The following HPSE2 variants were observed in gnomAD, a reference collection of about 807,000 sequenced individuals.
The protein encoded by HPSE2 is inactive heparanase-2.
Under a neutral mutation model 60.5 loss-of-function variants are expected in HPSE2, and 38 were observed. The observed-to-expected ratio is 0.63, with a 90% CI of 0.48 to 0.82. HPSE2 has a LOEUF of 0.82. HPSE2 is among the 40% of genes least tolerant of loss of function. The pLI is 0.00. For missense variants in HPSE2, 713 were observed against 740.4 expected (o/e 0.96, Z 0.43); for synonymous variants, 295 against 293.2 (o/e 1.01, Z -0.06).
At chr10:99,213,993 T>C (rs1295924232) in intron 2 of HPSE2, among the ~76,000 whole-genome samples, 1 of 152,144 alleles carries the variant, frequency 6.6e-6, no homozygotes, top group Non-Finnish European at 1.5e-5. Flanking sequence ...TATGAAAAAC[T>C]CTTACAACTC....
chr10:99,214,177 A>C (rs1033069572), intron 2 of HPSE2, among the ~76,000 whole-genome samples: 2 of 152,230 alleles, frequency 1.3e-5, no homozygotes, highest in African/African-American at 4.8e-5. Context: ...ACCTACTAGG[A>C]TGTCAAGAAT....
intron 3 of HPSE2, among the ~76,000 whole-genome samples, chr10:98,870,385 A>C (rs1210519190): frequency 6.6e-6 from 1 of 152,154 alleles, no homozygotes; most frequent in African/African-American, 2.4e-5. Flanking sequence ...GTCTTCGGGA[A>C]ACCTTTAAGA....
At chr10:98,545,334 G>A (rs1233012899) in intron 9 of HPSE2, among the ~76,000 whole-genome samples, 2 of 151,930 alleles carry the variant, frequency 1.3e-5, no homozygotes, top group African/African-American at 2.4e-5. Context: ...TACCAAAGCC[G>A]GGCAGAGACA....
the HPSE2 span, among the ~76,000 whole-genome samples, chr10:99,266,862 G>A: frequency 6.6e-6 from 1 of 152,094 alleles, no homozygotes; most frequent in Non-Finnish European, 1.5e-5. Context: ...CCTGAAGCCC[G>A]GCAGCTCTGC....
chr10:99,130,384 AT>A (rs1414679902), intron 3 of HPSE2, among the ~76,000 whole-genome samples: 1 of 152,186 alleles, frequency 6.6e-6, no homozygotes, highest in Non-Finnish European at 1.5e-5. Context: ...CTCAAAAAAA[AT>A]ACTAGCTAAC....
intron 9 of HPSE2, among the ~76,000 whole-genome samples, chr10:98,606,569 G>A (rs944744295): frequency 2.0e-5 from 3 of 152,192 alleles, no homozygotes; most frequent in Admixed American, 1.3e-4. Context: ...CAGGTCTTCT[G>A]CCGTCAAATT....
rs1182600490 is a variant in HPSE2 at position 98,938,099 on chromosome 10, C to G, written c.611-194043G>C. Among the ~76,000 whole-genome samples the G allele has an allele frequency of 2.1e-5, 3 of 143,090 alleles. 1 individual carries two copies. The highest frequency in any genetic ancestry group is 6.9e-5 in the Admixed American group (1 of 14,466). 93.9% of individuals were successfully genotyped at this position (143,090 alleles called of 152,430 possible). A position where few individuals can be genotyped will look rare whatever the true frequency, so the allele number is the denominator to read the frequency against. On this transcript the variant is annotated intron_variant, in intron 3 of 11. Coordinates refer to ENST00000370552, the MANE Select transcript of HPSE2 (RefSeq NM_021828.5). The stretch of plus-strand genomic sequence containing the variant: ...CAAAAACCCATCTGTACATCACCAT[C>G]ATCAAAGACCAAAAGTAGATAAAAC...
At chr10:98,510,270 C>T (rs1379946480) in intron 9 of HPSE2, among the ~76,000 whole-genome samples, 1 of 152,182 alleles carries the variant, frequency 6.6e-6, no homozygotes, top group Non-Finnish European at 1.5e-5. Flanking sequence ...GGCCAAGCCC[C>T]AGCTCTCTTT....
intron 3 of HPSE2, among the ~76,000 whole-genome samples, chr10:99,008,365 G>A (rs772689573): frequency 1.3e-5 from 2 of 152,214 alleles, no homozygotes; most frequent in East Asian, 1.9e-4. Flanking sequence ...CTTGATCAAC[G>A]CCAGCTTCCC....
At chr10:98,691,821 G>C (rs1305020993) in intron 6 of HPSE2, among the ~76,000 whole-genome samples, 2 of 152,134 alleles carry the variant, frequency 1.3e-5, no homozygotes, top group African/African-American at 4.8e-5. Flanking sequence ...GATAAAAATA[G>C]TCCCTAACTC....
upstream of HPSE2, among the ~76,000 whole-genome samples, chr10:99,238,328 G>C (rs1002019244): frequency 6.6e-6 from 1 of 152,098 alleles, no homozygotes; most frequent in Non-Finnish European, 1.5e-5. Context: ...TGAGTATAAT[G>C]AGAATGCACA....
At chr10:99,135,623 G>T (rs1057117340) in intron 3 of HPSE2, among the ~76,000 whole-genome samples, 7 of 152,100 alleles carry the variant, frequency 4.6e-5, no homozygotes, top group African/African-American at 1.7e-4. Context: ...CTAAATGAAG[G>T]CAGAAGTAAA....
intron 9 of HPSE2, among the ~76,000 whole-genome samples, chr10:98,539,374 A>T (rs1043216423): frequency 6.6e-6 from 1 of 152,040 alleles, no homozygotes; most frequent in African/African-American, 2.4e-5. Context: ...ATACAACATT[A>T]GCCGGGCGTG....
At chr10:99,149,422 A>G (rs1231391213) in intron 2 of HPSE2, among the ~76,000 whole-genome samples, 2 of 152,224 alleles carry the variant, frequency 1.3e-5, no homozygotes, top group Non-Finnish European at 2.9e-5. Flanking sequence ...ACAGGTTTCG[A>G]ATTCAAATAT....
intron 9 of HPSE2, among the ~76,000 whole-genome samples, chr10:98,546,973 C>T (rs1477013078): frequency 1.3e-4 from 19 of 149,516 alleles, no homozygotes; most frequent in African/African-American, 2.5e-4. Flanking sequence ...AAACAAACAA[C>T]CCTATCAAAA....
chr10:98,463,583 C>G (rs1940399322), intron 11 of HPSE2, among the ~76,000 whole-genome samples: 1 of 152,060 alleles, frequency 6.6e-6, no homozygotes, highest in South Asian at 2.1e-4. Context: ...AGGAGGATCA[C>G]TTGAGTCCAG....
At chr10:99,112,473 T>A (rs1268206093) in intron 3 of HPSE2, among the ~76,000 whole-genome samples, 1 of 151,106 alleles carries the variant, frequency 6.6e-6, no homozygotes, top group African/African-American at 2.5e-5. Context: ...GTATTTTTAG[T>A]AGAGACGGGG....
In HPSE2 at chr10:98,595,164, ATTTTT is replaced by A. The variant is rs34509249; in HGVS notation, c.1320+19735_1320+19739del. 5.7e-3 allele frequency among the ~76,000 whole-genome samples: 520 copies of A among 91,722 alleles called. 1 individual carries two copies. Among genetic ancestry groups the A allele is most frequent in the African/African-American group, 0.02 (497 of 24,942 alleles). The allele number at this position is 91,722 out of a possible 152,430, so 60.2% of individuals were successfully genotyped here. On this transcript the variant is annotated intron_variant, in intron 9 of 11. Coordinates refer to ENST00000370552, the MANE Select transcript of HPSE2 (RefSeq NM_021828.5). ...TATTTCTGTAGCTATTATAAATGAG[ATTTTT>A]TTTTTTTTTTTTTTTTTTGAGACGG... is the stretch of plus-strand genomic sequence containing the variant.
intron 6 of HPSE2, among the ~76,000 whole-genome samples, chr10:98,688,245 G>T (rs1482987326): frequency 6.6e-6 from 1 of 151,530 alleles, no homozygotes; most frequent in Non-Finnish European, 1.5e-5. Context: ...ATCCTTTGTG[G>T]TATTATTGCC....
Sources: allele counts gnomAD v4.1 joint callset (sites outside exome capture counted in the v4.1 genomes callset), GRCh38; gene constraint gnomAD v4.1.1; transcripts MANE v1.5; gene names NCBI Gene and HGNC (gene_info 2026-07-23, HGNC 2026-07-21).